The following CD200R1L variants were observed in gnomAD, a reference collection of about 807,000 sequenced individuals.
CD200R1L encodes cell surface glycoprotein CD200 receptor 2.
A neutral mutation model predicts 24.8 loss-of-function variants in CD200R1L; 14 were observed. The ratio of observed to expected loss-of-function variants is 0.56; its 90% CI spans 0.37 to 0.88. CD200R1L has a LOEUF of 0.88. CD200R1L is among the 40% of genes least tolerant of loss of function. CD200R1L has a pLI of 0.00. For synonymous variants in CD200R1L, 111 were observed against 109.2 expected (o/e 1.02, Z -0.11); for missense variants, 299 against 297.8 (o/e 1.00, Z -0.03).
intron 2 of CD200R1L, among the ~76,000 whole-genome samples, chr3:112,838,453 G>A (rs1939008690): frequency 6.8e-6 from 1 of 147,344 alleles, no homozygotes; most frequent in Admixed American, 6.9e-5. Context: ...TGTTTCAAAT[G>A]CATGGCTGAA....
intron 6 of CD200R1L, among the ~76,000 whole-genome samples, chr3:112,824,925 T>C (rs146993626): frequency 6.6e-6 from 1 of 152,104 alleles, no homozygotes; most frequent in Non-Finnish European, 1.5e-5. Context: ...GGGAAAGAAG[T>C]GCCTTATGGA....
In CD200R1L at chr3:112,834,381, C is replaced by T. The variant is rs1196753789; in HGVS notation, c.-18+3561G>A. The stretch of plus-strand genomic sequence containing the variant: ...TTAGAGAATTTGTGCTTCCAAATCC[C>T]AGTAATTTTAGATTTGTGAGTCTAG... On this transcript the variant is annotated intron_variant, in intron 3 of 7. Coordinates refer to ENST00000488794, the MANE Select transcript of CD200R1L (RefSeq NM_001199215.3). Among the ~76,000 whole-genome samples the T allele has an allele frequency of 2.0e-5, 3 of 151,884 alleles. No individual in the cohort carries two copies. The East Asian group carries it at 5.8e-4, about 29-fold the overall frequency.
At position 112,816,145 on chromosome 3, in the gene CD200R1L, G is replaced by A. The variant is rs575027280; in HGVS notation, c.741-170C>T. ...ATGTGTCAATTACCTAAGACACCAG[G>A]AATGCTGTATAACAAACAACCATAA... On this transcript the variant is annotated intron_variant, in intron 7 of 7. Transcript: ENST00000488794. Among the ~76,000 whole-genome samples, 19 of 152,298 alleles carry A rather than the reference G, an allele frequency of 1.2e-4. 1 individual carries two copies. Among genetic ancestry groups the A allele is most frequent in the African/African-American group, 4.1e-4 (17 of 41,562 alleles).
rs1260928322 is a variant in CD200R1L, at chr3:112,819,829, A to G, written c.683T>C (p.Phe228Ser). 3.7e-6 allele frequency: 6 copies of G among 1,611,940 alleles called. No homozygotes were observed. Among genetic ancestry groups the G allele is most frequent in the Non-Finnish European group, 4.2e-6 (5 of 1,179,254 alleles). The change falls in exon 7 of 8, where the codon TTT becomes TCT. Residue 228 changes from phenylalanine (F) to serine (S), a missense_variant. Coordinates refer to ENST00000488794, the MANE Select transcript of CD200R1L (RefSeq NM_001199215.3). ...LIILYVKLSL[F>S]VVILVTTGFV... ...TCCTGTGGTGACCAGAATGACCACA[A>G]AAAGAGAGAGTTTCACATAAAGAAT...
At position 112,845,823 on chromosome 3, in the gene CD200R1L, T is replaced by C; in HGVS notation, c.-231A>G. On this transcript the variant is annotated 5_prime_UTR_variant, in exon 2 of 8. Coordinates refer to ENST00000488794, the MANE Select transcript of CD200R1L (RefSeq NM_001199215.3). ...GTGAATCTGTTTCTCTTGGTCACTT[T>C]TGCTTATTCTGTCTTCAACAGGATT... 1 of 946,506 alleles carries C rather than the reference T, an allele frequency of 1.1e-6. No homozygotes were observed. Among genetic ancestry groups the C allele is most frequent in the Non-Finnish European group, 1.7e-6 (1 of 597,586 alleles). 58.6% of individuals were successfully genotyped at this position (946,506 alleles called of 1,614,324 possible).
At chr3:112,826,178 C>A (rs1285769854) in intron 6 of CD200R1L, among the ~76,000 whole-genome samples, 1 of 151,728 alleles carries the variant, frequency 6.6e-6, no homozygotes, top group Non-Finnish European at 1.5e-5. Context: ...ATAATTATCA[C>A]AATAGCTAAT....
intron 4 of CD200R1L, among the ~76,000 whole-genome samples, chr3:112,828,562 C>G (rs1445934991): frequency 1.3e-5 from 2 of 152,198 alleles, no homozygotes; most frequent in African/African-American, 4.8e-5. Flanking sequence ...TATTTTCCTT[C>G]CTTCCTGTTT....
intron 3 of CD200R1L, among the ~76,000 whole-genome samples, chr3:112,834,361 G>T (rs1365211600): frequency 6.6e-6 from 1 of 150,762 alleles, no homozygotes; most frequent in Non-Finnish European, 1.5e-5. Flanking sequence ...CTCGTTTAGA[G>T]AATTTGTGCT....
intron 2 of CD200R1L, among the ~76,000 whole-genome samples, chr3:112,840,133 A>G (rs1332218719): frequency 6.6e-6 from 1 of 152,246 alleles, no homozygotes; most frequent in Non-Finnish European, 1.5e-5. Context: ...ATATGAATCC[A>G]CTTAGGCAGA....
intron 7 of CD200R1L, among the ~76,000 whole-genome samples, chr3:112,817,058 T>G: frequency 6.6e-6 from 1 of 152,140 alleles, no homozygotes; most frequent in East Asian, 1.9e-4. Flanking sequence ...GAGAACAGAC[T>G]AATACAACCA....
In CD200R1L at chr3:112,826,991, AC is replaced by A; in HGVS notation, c.616+1del. 4 of 1,594,898 alleles carry A rather than the reference AC, an allele frequency of 2.5e-6. No individual in the cohort carries two copies. The highest frequency in any genetic ancestry group is 2.6e-6 in the Non-Finnish European group (3 of 1,173,006). On this transcript the variant is annotated splice_donor_variant, in intron 6 of 7. Coordinates refer to ENST00000488794, the MANE Select transcript of CD200R1L (RefSeq NM_001199215.3). LOFTEE classifies it high-confidence loss of function. ...ACTCTTCTACAAGAAACAGGCGCTT[AC>A]CTGAATTCAACTTTACGGACAGACT...
intron 2 of CD200R1L, 129 bp downstream of exon 2, chr3:112,845,550 T>C (rs1939181724): frequency 2.7e-6 from 2 of 728,126 alleles, no homozygotes; most frequent in South Asian, 3.7e-5. Flanking sequence ...TGCTGGATAA[T>C]GTACACATTT....
At position 112,825,213 on chromosome 3, in the gene CD200R1L, T is replaced by A. The variant is rs570299125; in HGVS notation, c.616+1780A>T. 6.2e-4 allele frequency among the ~76,000 whole-genome samples: 92 copies of A among 149,242 alleles called. 1 individual carries two copies. The highest frequency in any genetic ancestry group is 2.2e-3 in the African/African-American group (87 of 40,210). On this transcript the variant is annotated intron_variant, in intron 6 of 7. Transcript: ENST00000488794. ...GAGATTGCACCACTGCACTCCAGCC[T>A]GGGCGACAGAGCGAGACTCTGTCTC...
chr3:112,839,601 C>A (rs148109365), intron 2 of CD200R1L, among the ~76,000 whole-genome samples: 1 of 152,292 alleles, frequency 6.6e-6, no homozygotes, highest in East Asian at 1.9e-4. Flanking sequence ...AAAACTTATC[C>A]CGTAAGAGGC....
chr3:112,835,718 G>T (rs72950326), intron 3 of CD200R1L, among the ~76,000 whole-genome samples: 1 of 152,108 alleles, frequency 6.6e-6, no homozygotes, highest in African/African-American at 2.4e-5. Flanking sequence ...CCAACATCAA[G>T]CTGCCCTCAG....
intron 4 of CD200R1L, 56 bp from the exon 5 acceptor site, chr3:112,827,740 T>G: frequency 5.3e-6 from 8 of 1,502,982 alleles, no homozygotes; most frequent in Non-Finnish European, 7.2e-6. Context: ...GAACTTCATG[T>G]GTTATGTTTA....
chr3:112,819,697 T>C, intron 7 of CD200R1L, 75 bp downstream of exon 7: 2 of 1,458,316 alleles, frequency 1.4e-6, no homozygotes, highest in Non-Finnish European at 1.8e-6. Context: ...TCCCAGTACA[T>C]TGTAAACTCA....
intron 2 of CD200R1L, among the ~76,000 whole-genome samples, chr3:112,838,484 A>G (rs1010790587): frequency 1.4e-4 from 14 of 100,850 alleles, no homozygotes. Context: ...AAACAAACAA[A>G]CAAACAAAAA....
chr3:112,825,115 T>C (rs1056154023), intron 6 of CD200R1L, among the ~76,000 whole-genome samples: 3 of 151,892 alleles, frequency 2.0e-5, no homozygotes, highest in African/African-American at 7.3e-5. Flanking sequence ...GGTGGGCGCC[T>C]GTAGTCCCAG....
Sources: allele counts gnomAD v4.1 joint callset (sites outside exome capture counted in the v4.1 genomes callset), GRCh38; gene constraint gnomAD v4.1.1; transcripts MANE v1.5; gene names NCBI Gene and HGNC (gene_info 2026-07-23, HGNC 2026-07-21).